The following MBD5 variants were observed in gnomAD, a reference collection of about 807,000 sequenced individuals.
The protein encoded by MBD5 is methyl-CpG binding domain protein 5.
MBD5 carries 13 observed loss-of-function variants against 117.3 expected under a neutral mutation model. The observed-to-expected ratio is 0.11, with a 90% CI of 0.07 to 0.18. MBD5 has a LOEUF of 0.18. MBD5 is among the 10% of genes least tolerant of loss of function. The pLI is 1.00. For missense variants in MBD5, 1,879 were observed against 2,093.8 expected (o/e 0.90, Z 2.00); for synonymous variants, 727 against 766.4 (o/e 0.95, Z 0.85).
intron 1 of MBD5, among the ~76,000 whole-genome samples, chr2:148,168,050 G>T (rs192672608): frequency 4.6e-5 from 7 of 152,262 alleles, no homozygotes; most frequent in Non-Finnish European, 8.8e-5. Flanking sequence ...GAATCCGAAA[G>T]GGGGCAGTAC....
chr2:148,470,927 G>A (rs190410019), intron 8 of MBD5: 508 of 157,956 alleles, frequency 3.2e-3, no homozygotes, highest in Non-Finnish European at 5.6e-3. Context: ...ACAGAAGTAG[G>A]TGAATGGATA....
At chr2:148,208,380 A>G (rs567991908) in intron 2 of MBD5, among the ~76,000 whole-genome samples, 12 of 152,072 alleles carry the variant, frequency 7.9e-5, no homozygotes, top group South Asian at 4.1e-4. Flanking sequence ...CAGCCTCCCA[A>G]GTAGCTGGGA....
rs1021131793 is a variant in MBD5 at position 148,152,187 on chromosome 2, C to T, written c.-924-26513C>T. On this transcript the variant is annotated intron_variant, in intron 1 of 13. Transcript: ENST00000642680. ...AAAACATCTTTATTTCTGCCTTCAT[C>T]TCGTTATGTACCCAGTAGTCATTCA... Among the ~76,000 whole-genome samples, 15 of 152,250 alleles carry T rather than the reference C, an allele frequency of 9.9e-5. No homozygotes were observed. The South Asian group carries it at 1.7e-3, about 17-fold the overall frequency.
intron 10 of MBD5, among the ~76,000 whole-genome samples, chr2:148,486,523 T>C (rs1024266862): frequency 2.0e-5 from 3 of 152,162 alleles, no homozygotes; most frequent in African/African-American, 7.2e-5. Flanking sequence ...AAAATCTCTG[T>C]ATGATCAAGC....
chr2:148,274,965 A>G (rs757578806), intron 3 of MBD5, among the ~76,000 whole-genome samples: 1 of 152,042 alleles, frequency 6.6e-6, no homozygotes, highest in Non-Finnish European at 1.5e-5. Context: ...TGTTGACCTC[A>G]AGTGATCCAC....
chr2:148,243,765 G>C (rs1252237367), intron 3 of MBD5: 1 of 151,674 alleles, frequency 6.6e-6, no homozygotes, highest in Non-Finnish European at 1.5e-5. Context: ...CCTTTTTCGG[G>C]GACCCAAGAA....
chr2:148,459,858 G>A (rs958872013), intron 5 of MBD5, among the ~76,000 whole-genome samples: 1 of 152,072 alleles, frequency 6.6e-6, no homozygotes, highest in Non-Finnish European at 1.5e-5. Flanking sequence ...GTTTCTGGAG[G>A]TAAATCTAAT....
In MBD5 at chr2:148,076,950, G is replaced by T. The variant is rs192434764; in HGVS notation, c.-925+55266G>T. 8.1e-4 allele frequency among the ~76,000 whole-genome samples: 123 copies of T among 152,310 alleles called. 1 individual carries two copies. The highest frequency in any genetic ancestry group is 2.9e-3 in the African/African-American group (120 of 41,562). On this transcript the variant is annotated intron_variant, in intron 1 of 13. Coordinates refer to ENST00000642680, the MANE Select transcript of MBD5 (RefSeq NM_001378120.1). ...CATCTGCCCTGCAGCTTGTTTTTGT[G>T]TGTCCCATAAGCTAAGAATGTCTTT...
chr2:148,344,035 T>A (rs1316834351), intron 4 of MBD5, among the ~76,000 whole-genome samples: 1 of 152,080 alleles, frequency 6.6e-6, no homozygotes, highest in Non-Finnish European at 1.5e-5. Context: ...TGCATGTGGC[T>A]ACCAAGCTAT....
rs1229439489 is a variant in MBD5 at position 148,218,674 on chromosome 2, T to G, written c.-830-14571T>G. ...GCTATAGGGTATAGCCTATTGCTCC[T>G]AGGTTACAAACCTGTGCAGCATATT... On this transcript the variant is annotated intron_variant, in intron 2 of 13. Transcript: ENST00000642680. Among the ~76,000 whole-genome samples, 3 of 152,374 alleles carry G rather than the reference T, an allele frequency of 2.0e-5. No homozygotes were observed. The East Asian group carries it at 5.8e-4, about 29-fold the overall frequency.
chr2:148,239,019 T>TACATAC (rs1700152487), intron 3 of MBD5, among the ~76,000 whole-genome samples: 1 of 149,810 alleles, frequency 6.7e-6, no homozygotes, highest in African/African-American at 2.4e-5. Context: ...ATATATTATA[T>TACATAC]ACACACACAC....
chr2:148,297,378 G>T (rs914133564), intron 3 of MBD5, among the ~76,000 whole-genome samples: 2 of 152,094 alleles, frequency 1.3e-5, no homozygotes, highest in African/African-American at 4.8e-5. Flanking sequence ...TTCAGAGCAC[G>T]CAGCCTTTCC....
chr2:148,260,688 G>A (rs938363828), intron 3 of MBD5: 2 of 209,046 alleles, frequency 9.6e-6, no homozygotes, highest in Admixed American at 8.6e-5. Flanking sequence ...ACCAGATGCT[G>A]CTCTACCCAG....
intron 1 of MBD5, among the ~76,000 whole-genome samples, chr2:148,111,919 G>T (rs1464742976): frequency 2.0e-5 from 3 of 151,934 alleles, no homozygotes; most frequent in African/African-American, 2.4e-5. Context: ...CAGTAAAATA[G>T]AACAATTATA....
chr2:148,180,348 ATATATATATATATG>A (rs1324155964), intron 2 of MBD5, among the ~76,000 whole-genome samples: 7 of 127,952 alleles, frequency 5.5e-5, no homozygotes, highest in African/African-American at 1.8e-4. Context: ...TTATACATAT[ATATATATATATATG>A]TATATATGTA....
chr2:148,105,594 A>C (rs1244260179), intron 1 of MBD5, among the ~76,000 whole-genome samples: 1 of 151,890 alleles, frequency 6.6e-6, no homozygotes, highest in Non-Finnish European at 1.5e-5. Flanking sequence ...GCTTTTTGTA[A>C]ATCTCTCCAA....
intron 8 of MBD5, chr2:148,481,879 A>G (rs1681164442): frequency 1.3e-5 from 2 of 152,198 alleles, no homozygotes; most frequent in African/African-American, 2.4e-5. Context: ...GTTATAAATA[A>G]GTGAAATTTT....
In MBD5 at chr2:148,483,570, T is replaced by C. The variant is rs201400772; in HGVS notation, c.2979T>C (p.Leu993=). The change falls in exon 9 of 14, where the codon CTT becomes CTC. Residue 993 remains leucine (L), a synonymous_variant. Transcript: ENST00000642680. ...ACTTTCAGCTCTTAGCAGCCTTGCT[T>C]CAGAACCAAGCCCAAGCAGCTGCCA... is the stretch of plus-strand genomic sequence containing the variant. The part of the protein sequence containing the change: ...PVHFQLLAAL[L]QNQAQAAAML... 966 of 1,566,310 alleles carry C rather than the reference T, an allele frequency of 6.2e-4. 1 individual carries two copies. The highest frequency in any genetic ancestry group is 8.5e-4 in the Admixed American group (44 of 51,854).
chr2:148,313,318 G>T (rs2106538485), intron 3 of MBD5, among the ~76,000 whole-genome samples: 1 of 152,304 alleles, frequency 6.6e-6, no homozygotes, highest in South Asian at 2.1e-4. Flanking sequence ...CCCCTGACTG[G>T]GGCTGCTGCC....
Sources: gnomAD v4.1 joint callset for allele counts (sites outside exome capture counted in the v4.1 genomes callset) on GRCh38, gnomAD v4.1.1 for gene constraint, MANE v1.5 for transcripts, NCBI Gene and HGNC (gene_info 2026-07-23, HGNC 2026-07-21) for gene names.